Variants in NUDT18 observed in about 807,000 individuals in gnomAD.
NUDT18 encodes the protein 8-oxo-dGDP phosphatase NUDT18.
A neutral mutation model predicts 27.6 loss-of-function variants in NUDT18; 26 were observed. The ratio of observed to expected loss-of-function variants is 0.94; its 90% CI spans 0.69 to 1.31. The LOEUF (loss-of-function observed/expected upper bound fraction) is 1.31. Ranked by LOEUF, NUDT18 falls within the 50% of genes most tolerant of loss-of-function variation. The pLI, the probability that NUDT18 is intolerant of heterozygous loss-of-function variation, is 0.00. For missense variants in NUDT18, 450 were observed against 433.4 expected, an observed-to-expected ratio of 1.04 and a Z score of -0.34; for synonymous variants, 220 against 196.9, an observed-to-expected ratio of 1.12 and a Z score of -0.98.
At chr8:22,108,091 T>C in intron 2 of NUDT18, 42 bp downstream of exon 2, 1 of 1,450,348 alleles carries the variant, frequency 6.9e-7, no homozygotes, top group Non-Finnish European at 9.1e-7. Context: ...GGGGGAAAGG[T>C]GTCAACTGGC....
chr8:22,109,647 C>T (rs573510526), upstream of NUDT18: 2 of 473,748 alleles, frequency 4.2e-6, no homozygotes, highest in South Asian at 3.1e-5. Context: ...CCAGCCGCCA[C>T]CCGCTCGCCA....
At chr8:22,109,081 C>G in intron 1 of NUDT18, 58 bp downstream of exon 1, 2 of 1,305,490 alleles carry the variant, frequency 1.5e-6, no homozygotes, top group East Asian at 6.2e-5. Flanking sequence ...GTCTTCTGTC[C>G]CCACCTGGGC....
Position 22,107,164 on chromosome 8 carries a change from T to C in NUDT18, c.*136A>G. On this transcript the variant is annotated 3_prime_UTR_variant, in exon 3 of 3. Coordinates refer to ENST00000611621, the MANE Select transcript of NUDT18 (RefSeq NM_024815.4). ...GGAATGCTCCTCAAAGCATCTCTCCTGGGGACCAGGAGAGCCGCCCCTGCT... is the reference window on the plus strand; with the variant it reads ...GGAATGCTCCTCAAAGCATCTCTCCCGGGGACCAGGAGAGCCGCCCCTGCT... 1.5e-6 allele frequency: 1 copy of C among 648,290 alleles called. No individual in the cohort carries two copies. Among genetic ancestry groups the C allele is most frequent in the South Asian group, 2.0e-5 (1 of 51,016 alleles). The allele number at this position is 648,290 out of a possible 1,614,324, so 40.2% of individuals were successfully genotyped here.
chr8:22,109,490 G>A, upstream of NUDT18: 2 of 514,598 alleles, frequency 3.9e-6, no homozygotes, highest in South Asian at 3.0e-5. Context: ...CGGCGCCGCG[G>A]CCTGCCCGGA....
chr8:22,108,393 C>T (rs1034067411), intron 1 of NUDT18, 47 bp from the exon 2 acceptor site: 11 of 1,508,686 alleles, frequency 7.3e-6, no homozygotes, highest in Non-Finnish European at 9.9e-6. Flanking sequence ...CTTCCCTCGC[C>T]CCGGGACCAG....
chr8:22,107,592 C>T lies in NUDT18; in HGVS notation c.680G>A (p.Arg227Lys), dbSNP rs747513207. ...CAGGACGGCCATCTTCATGCCACCCCTCTGCTCCATAGGGTCGAGGCCACA... is the reference window on the plus strand; with the variant it reads ...CAGGACGGCCATCTTCATGCCACCCTTCTGCTCCATAGGGTCGAGGCCACA... Reference protein sequence around the residue: ...TACGLDPMEQRGGMKMAVLRL... With the variant: ...TACGLDPMEQKGGMKMAVLRL... The change falls in exon 3 of 3, where the codon AGG becomes AAG. Residue 227 changes from arginine (R) to lysine (K), a missense_variant. Transcript: ENST00000611621. The T allele has an allele frequency of 6.2e-7, 1 of 1,613,304 alleles. No homozygotes were observed. The highest frequency in any genetic ancestry group is 1.7e-5 in the Admixed American group (1 of 60,018).
At position 22,106,922 on chromosome 8, in the gene NUDT18, A is replaced by C; in HGVS notation, c.*378T>G. 5.5e-6 allele frequency: 1 copy of C among 182,912 alleles called. No individual in the cohort carries two copies. Among genetic ancestry groups the C allele is most frequent in the East Asian group, 1.4e-4 (1 of 7,104 alleles). 11.3% of individuals were successfully genotyped at this position (182,912 alleles called of 1,614,324 possible). The stretch of plus-strand genomic sequence containing the variant: ...CAGCAACGTGCTCCTCCCTCGGGGG[A>C]CCTTCCCCAGTGCCCCTCCATGCTC... On this transcript the variant is annotated 3_prime_UTR_variant, in exon 3 of 3. Transcript: ENST00000611621.
intron 1 of NUDT18, among the ~76,000 whole-genome samples, chr8:22,108,722 C>T (rs1014594964): frequency 1.3e-5 from 2 of 152,228 alleles, no homozygotes; most frequent in African/African-American, 4.8e-5. Context: ...TGGGTCCTCA[C>T]ACTGGGGTCT....
Position 22,109,387 on chromosome 8 carries a change from A to AGTCCCTGCGGAGACCGCTCCCG in NUDT18, c.-88_-87insCGGGAGCGGTCTCCGCAGGGAC. On this transcript the variant is annotated 5_prime_UTR_variant, in exon 1 of 3. Transcript: ENST00000611621. ...AGAGTGCGCTGCGGAGCCCGCTCCC[A>AGTCCCTGCGGAGACCGCTCCCG]GTCCCTGCGGCAGCGGGCCGGGAGC... 7.8e-7 allele frequency: 1 copy of AGTCCCTGCGGAGACCGCTCCCG among 1,277,820 alleles called. No individual in the cohort carries two copies. The highest frequency in any genetic ancestry group is 1.0e-6 in the Non-Finnish European group (1 of 998,280). 79.2% of individuals were successfully genotyped at this position (1,277,820 alleles called of 1,614,324 possible).
Position 22,107,811 on chromosome 8 carries a change from A to C in NUDT18, c.461T>G (p.Leu154Arg), listed in dbSNP as rs776273529. Residue 154 changes from leucine to arginine, a missense_variant, in exon 3 of 3, where the codon CTG becomes CGG. Transcript: ENST00000611621. ...CAGGTGCAGGATGTCATGGGCTCGC[A>C]GCGGAGTGGGCAGGGAGGTCCGTGG... Reference protein sequence around the residue: ...WYPRTSLPTPLRAHDILHLVE... With the variant: ...WYPRTSLPTPRRAHDILHLVE... The C allele has an allele frequency of 3.7e-6, 6 of 1,613,174 alleles. No homozygotes were observed. In the Admixed American group the frequency reaches 1.0e-4, roughly 27 times the overall value.
Position 22,107,880 on chromosome 8 carries a change from G to A in NUDT18, c.392C>T (p.Thr131Ile), listed in dbSNP as rs775979816. The change falls in exon 3 of 3, where the codon ACT becomes ATT. Residue 131 changes from threonine (T) to isoleucine (I), a missense_variant. Coordinates refer to ENST00000611621, the MANE Select transcript of NUDT18 (RefSeq NM_024815.4). ...GGACTCCGCATCGGCCTCCTTGGAA[G>A]TCTTGAGAATTCCACCTGGGGGAGA... The part of the protein sequence containing the change: ...LARPTGGILK[T>I]SKEADAESLQ... 1.9e-6 allele frequency: 3 copies of A among 1,582,114 alleles called. No individual in the cohort carries two copies. The highest frequency in any genetic ancestry group is 1.7e-5 in the Admixed American group (1 of 58,166).
At position 22,108,318 on chromosome 8, in the gene NUDT18, T is replaced by G. The variant is rs912584571; in HGVS notation, c.191A>C (p.Lys64Thr). The G allele has an allele frequency of 6.9e-6, 11 of 1,584,628 alleles. No individual in the cohort carries two copies. The highest frequency in any genetic ancestry group is 9.4e-6 in the Non-Finnish European group (11 of 1,167,230). ...GTACCACGACCCCCGGCACTCCCTC[T>G]TGGCCTCCTGGATCAGTAGCACCTC... ...QDEVLLIQEA[K>T]RECRGSWYLP... The change falls in exon 2 of 3, where the codon AAG (lysine) becomes ACG (threonine). Residue 64 changes from lysine to threonine, a missense_variant. Coordinates refer to ENST00000611621, the MANE Select transcript of NUDT18 (RefSeq NM_024815.4).
chr8:22,109,369 G>A lies in NUDT18; in HGVS notation c.-69C>T, dbSNP rs1419592972. ...TGAGCCGAGCCGCGGGCTAGAGTGCGCTGCGGAGCCCGCTCCCAGTCCCTG... is the reference window on the plus strand; with the variant it reads ...TGAGCCGAGCCGCGGGCTAGAGTGCACTGCGGAGCCCGCTCCCAGTCCCTG... On this transcript the variant is annotated 5_prime_UTR_variant, in exon 1 of 3. Transcript: ENST00000611621. The A allele has an allele frequency of 8.4e-6, 6 of 712,818 alleles. No homozygotes were observed. The highest frequency in any genetic ancestry group is 4.3e-5 in the South Asian group (1 of 23,082). The allele number at this position is 712,818 out of a possible 1,614,324, so 44.2% of individuals were successfully genotyped here.
rs1217871699 is a variant in NUDT18, at chr8:22,109,202, C to T, written c.99G>A (p.Pro33=). ...SCDSAPAGEP[P]APVRLRKNVC... is the part of the protein sequence containing the mutation. Reference sequence around the variant, plus strand: ...CGTTCTTCCGCAGCCGCACGGGCGCCGGCGGCTCCCCGGCCGGCGCCGAGT... The same window carrying T: ...CGTTCTTCCGCAGCCGCACGGGCGCTGGCGGCTCCCCGGCCGGCGCCGAGT... Residue 33 remains proline (P), a synonymous_variant, in exon 1 of 3, where the codon CCG becomes CCA. Transcript: ENST00000611621. 2.1e-6 allele frequency: 3 copies of T among 1,445,958 alleles called. No individual in the cohort carries two copies. Among genetic ancestry groups the T allele is most frequent in the Non-Finnish European group, 2.7e-6 (3 of 1,109,154 alleles). The allele number at this position is 1,445,958 out of a possible 1,614,324, so 89.6% of individuals were successfully genotyped here. A position where few individuals can be genotyped will look rare whatever the true frequency, so the allele number is the denominator to read the frequency against.
chr8:22,110,252 C>T (rs1403485184), upstream of NUDT18, among the ~76,000 whole-genome samples: 1 of 152,254 alleles, frequency 6.6e-6, no homozygotes, highest in African/African-American at 2.4e-5. Flanking sequence ...CCCTCCCACC[C>T]AGCGTGCAGG....
rs1283761191 is a variant in NUDT18 at position 22,107,478 on chromosome 8, C to T, written c.794G>A (p.Ser265Asn). 15 of 1,613,304 alleles carry T rather than the reference C, an allele frequency of 9.3e-6. No individual in the cohort carries two copies. The highest frequency in any genetic ancestry group is 1.3e-5 in the Non-Finnish European group (15 of 1,179,878). The change falls in exon 3 of 3, where the codon AGT (serine) becomes AAT (asparagine). Residue 265 changes from serine to asparagine, a missense_variant. By Grantham distance (46) the Ser-to-Asn change is conservative (BLOSUM62 1). Transcript: ENST00000611621. Reference protein sequence around the residue: ...LGLQHLGRDHSDGICLNVLVT... With the variant: ...LGLQHLGRDHNDGICLNVLVT... ...CAGCACATTCAAACAGATGCCATCACTGTGATCTCGGCCCAGGTGCTGCAG... is the reference window on the plus strand; with the variant it reads ...CAGCACATTCAAACAGATGCCATCATTGTGATCTCGGCCCAGGTGCTGCAG...
chr8:22,108,502 G>T (rs2131741302), intron 1 of NUDT18, among the ~76,000 whole-genome samples, 156 bp from the exon 2 acceptor site: 1 of 152,342 alleles, frequency 6.6e-6, no homozygotes, highest in Admixed American at 6.5e-5. Context: ...GCTGGGGGCT[G>T]CAGCCCTCTC....
chr8:22,107,259 G>A lies in NUDT18; in HGVS notation c.*41C>T, dbSNP rs1826380069. 1.4e-6 allele frequency: 2 copies of A among 1,463,790 alleles called. No individual in the cohort carries two copies. The highest frequency in any genetic ancestry group is 1.8e-6 in the Non-Finnish European group (2 of 1,085,316). The allele number at this position is 1,463,790 out of a possible 1,614,324, so 90.7% of individuals were successfully genotyped here. A position where few individuals can be genotyped will look rare whatever the true frequency, so the allele number is the denominator to read the frequency against. On this transcript the variant is annotated 3_prime_UTR_variant, in exon 3 of 3. Coordinates refer to ENST00000611621, the MANE Select transcript of NUDT18 (RefSeq NM_024815.4). Reference sequence around the variant, plus strand: ...AGAGGGAGACAAGTCCGCACTGGAGGGAGCACGGCTGCCTAGCTCCCTGTC... The same window carrying A: ...AGAGGGAGACAAGTCCGCACTGGAGAGAGCACGGCTGCCTAGCTCCCTGTC...
rs771120561 is a variant in NUDT18 at position 22,107,446 on chromosome 8, C to T, written c.826G>A (p.Val276Met). Residue 276 changes from valine to methionine, a missense_variant, in exon 3 of 3, where the codon GTG (valine) becomes ATG (methionine). Coordinates refer to ENST00000611621, the MANE Select transcript of NUDT18 (RefSeq NM_024815.4). ...DGICLNVLVT[V>M]AFRSPGIQDE... ...TGGATCCCTGGGCTCCGAAAAGCCA[C>T]GGTCACCAGCACATTCAAACAGATG... 9.4e-5 allele frequency: 152 copies of T among 1,613,364 alleles called. No individual in the cohort carries two copies. The highest frequency in any genetic ancestry group is 1.2e-4 in the Non-Finnish European group (145 of 1,179,874).
Sources: allele counts gnomAD v4.1 joint callset (sites outside exome capture counted in the v4.1 genomes callset), GRCh38; gene constraint gnomAD v4.1.1; transcripts MANE v1.5; gene names NCBI Gene and HGNC (gene_info 2026-07-23, HGNC 2026-07-21).